The following LINC00237 variants were observed in gnomAD, a reference collection of about 807,000 sequenced individuals.
The protein encoded by LINC00237 is long intergenic non-protein coding RNA 237.
At chr20:21,093,547 A>G (rs1484283767) in exon 2 of LINC00237, 1 of 152,224 alleles carries the variant, frequency 6.6e-6, no homozygotes, top group East Asian at 1.9e-4. Flanking sequence ...TCCAATCACA[A>G]CACAGGAGAC....
intron 1 of LINC00237, among the ~76,000 whole-genome samples, chr20:21,095,794 GTT>G (rs2030850885): frequency 6.6e-6 from 1 of 152,174 alleles, no homozygotes; most frequent in Non-Finnish European, 1.5e-5. Context: ...CAGCACCTGT[GTT>G]TCATTGCCTG....
At chr20:21,099,710 T>A (rs534238496) in intron 1 of LINC00237, among the ~76,000 whole-genome samples, 1 of 152,314 alleles carries the variant, frequency 6.6e-6, no homozygotes, top group South Asian at 2.1e-4. Flanking sequence ...TAATTACTTA[T>A]TTTACACGTT....
At chr20:21,095,542 A>C (rs2030846158) in intron 1 of LINC00237, among the ~76,000 whole-genome samples, 2 of 152,234 alleles carry the variant, frequency 1.3e-5, no homozygotes, top group South Asian at 2.1e-4. Context: ...TGGCATAAAT[A>C]AAATGAGAAT....
rs115028876 is a variant in LINC00237, at chr20:21,090,740, G to A, written n.473-2710C>T. Among the ~76,000 whole-genome samples, 607 of 152,216 alleles carry A rather than the reference G, an allele frequency of 4.0e-3. 2 individuals are homozygous for A. The highest frequency in any genetic ancestry group is 0.014 in the African/African-American group (564 of 41,532). On this transcript the variant is annotated intron_variant and non_coding_transcript_variant, in intron 2 of 3. Transcript: ENST00000691244. ...CATCAAAAAGACAGCCGCTGCCCTT[G>A]CTCCCTGCTCTCCATGACTGCTTAT... is the stretch of plus-strand genomic sequence containing the variant.
intron 1 of LINC00237, among the ~76,000 whole-genome samples, chr20:21,104,295 A>G (rs570264943): frequency 6.6e-6 from 1 of 152,294 alleles, no homozygotes; most frequent in African/African-American, 2.4e-5. Flanking sequence ...TTAAGGAATG[A>G]TTTTCATAAC....
chr20:21,097,091 C>T (rs1044663033), intron 1 of LINC00237, among the ~76,000 whole-genome samples: 2 of 152,188 alleles, frequency 1.3e-5, no homozygotes, highest in African/African-American at 2.4e-5. Flanking sequence ...CTATGGATAT[C>T]AGAGATATTT....
chr20:21,100,737 G>A (rs999484504), intron 1 of LINC00237, among the ~76,000 whole-genome samples: 23 of 152,314 alleles, frequency 1.5e-4, no homozygotes, highest in Admixed American at 1.2e-3. Context: ...CCTGAATTGA[G>A]CAAACACCAG....
At chr20:21,099,838 C>A (rs1417920610) in intron 1 of LINC00237, among the ~76,000 whole-genome samples, 1 of 152,148 alleles carries the variant, frequency 6.6e-6, no homozygotes, top group African/African-American at 2.4e-5. Flanking sequence ...CATTGGGCTG[C>A]CAGATAATTC....
At chr20:21,097,442 G>A (rs1452594034) in intron 1 of LINC00237, among the ~76,000 whole-genome samples, 1 of 151,810 alleles carries the variant, frequency 6.6e-6, no homozygotes, top group Non-Finnish European at 1.5e-5. Context: ...AAATGGCTCT[G>A]CACTGTTCTT....
intron 2 of LINC00237, chr20:21,090,650 A>T (rs1394229950): frequency 6.6e-6 from 1 of 152,160 alleles, no homozygotes; most frequent in African/African-American, 2.4e-5. Context: ...TGACACTCGG[A>T]GCTTGCTGCA....
intron 1 of LINC00237, among the ~76,000 whole-genome samples, chr20:21,099,224 CAGG>C (rs1345711578): frequency 6.6e-6 from 1 of 152,188 alleles, no homozygotes; most frequent in Non-Finnish European, 1.5e-5. Context: ...GGACAGTGGT[CAGG>C]AGGAGGATAG....
chr20:21,105,769 C>T (rs549577053), intron 1 of LINC00237, among the ~76,000 whole-genome samples: 16 of 152,344 alleles, frequency 1.1e-4, no homozygotes, highest in African/African-American at 3.6e-4. Flanking sequence ...GCGGGCGTCT[C>T]TCTGCCTCCC....
At chr20:21,106,331 G>A (rs1338451696) in exon 1 of LINC00237, 2 of 152,230 alleles carry the variant, frequency 1.3e-5, no homozygotes, top group African/African-American at 2.4e-5. Context: ...ACGGGAAGAG[G>A]GGGCTCCGCG....
intron 1 of LINC00237, among the ~76,000 whole-genome samples, chr20:21,099,710 T>G (rs534238496): frequency 2.0e-5 from 3 of 152,196 alleles, no homozygotes; most frequent in African/African-American, 4.8e-5. Context: ...TAATTACTTA[T>G]TTTACACGTT....
chr20:21,092,484 A>G (rs1430792217), intron 2 of LINC00237, among the ~76,000 whole-genome samples: 1 of 152,234 alleles, frequency 6.6e-6, no homozygotes, highest in Non-Finnish European at 1.5e-5. Flanking sequence ...TGAATGCCCT[A>G]GGTAGAAGGG....
At chr20:21,086,508 CATATCTATATA>C (rs1257906910) in intron 3 of LINC00237, among the ~76,000 whole-genome samples, 4 of 144,048 alleles carry the variant, frequency 2.8e-5, no homozygotes, top group African/African-American at 1.0e-4. Context: ...GAGAGAGATA[CATATCTATATA>C]GATACATATC....
At chr20:21,105,886 A>T (rs925962779) in intron 1 of LINC00237, among the ~76,000 whole-genome samples, 9 of 152,098 alleles carry the variant, frequency 5.9e-5, no homozygotes, top group Non-Finnish European at 1.3e-4. Context: ...GGGGAAAAGA[A>T]GGGGCTTGGG....
intron 1 of LINC00237, among the ~76,000 whole-genome samples, chr20:21,098,383 T>C (rs1269873397): frequency 6.6e-6 from 1 of 152,126 alleles, no homozygotes; most frequent in Non-Finnish European, 1.5e-5. Flanking sequence ...ACTAATGAAA[T>C]GCAAGAAGAA....
intron 2 of LINC00237, chr20:21,092,843 T>C (rs2030810585): frequency 6.6e-6 from 1 of 152,234 alleles, no homozygotes. Context: ...TACAACTTTG[T>C]GCCAGGAAAC....
Sources: gnomAD v4.1 joint callset for allele counts (sites outside exome capture counted in the v4.1 genomes callset) on GRCh38, gnomAD v4.1.1 for gene constraint, MANE v1.5 for transcripts, NCBI Gene and HGNC (gene_info 2026-07-23, HGNC 2026-07-21) for gene names.